The following OPCML variants were observed in gnomAD, a reference collection of about 807,000 sequenced individuals.
OPCML encodes the protein opioid binding protein/cell adhesion molecule like.
OPCML carries 13 observed loss-of-function variants against 37.8 expected under a neutral mutation model. The ratio of observed to expected loss-of-function variants is 0.34; its 90% CI spans 0.22 to 0.55. The LOEUF is 0.55. Among genes scored for constraint, OPCML ranks in the 20% least tolerant of loss-of-function variants. OPCML has a pLI of 0.91. For missense variants in OPCML, 341 were observed against 435.6 expected (o/e 0.78, Z 1.93); for synonymous variants, 176 against 168.8 (o/e 1.04, Z -0.33).
At chr11:132,515,737 C>G (rs988283925) in intron 4 of OPCML, among the ~76,000 whole-genome samples, 1 of 152,142 alleles carries the variant, frequency 6.6e-6, no homozygotes, top group Non-Finnish European at 1.5e-5. Flanking sequence ...TGATTACTAC[C>G]TTTAAACTGG....
chr11:132,664,474 C>T (rs1385338600), intron 2 of OPCML, among the ~76,000 whole-genome samples: 2 of 152,210 alleles, frequency 1.3e-5, no homozygotes, highest in East Asian at 3.9e-4. Context: ...TTATCATTTG[C>T]CTTTTTCATA....
chr11:132,718,022 GT>G (rs1234788637), intron 2 of OPCML, among the ~76,000 whole-genome samples: 1 of 152,274 alleles, frequency 6.6e-6, no homozygotes, highest in African/African-American at 2.4e-5. Flanking sequence ...CCACACCATC[GT>G]CAAGGTGCAG....
At chr11:133,133,716 T>C (rs1321254918) in intron 1 of OPCML, among the ~76,000 whole-genome samples, 1 of 152,278 alleles carries the variant, frequency 6.6e-6, no homozygotes, top group East Asian at 1.9e-4. Context: ...TCCCTGTGTC[T>C]CTTACACCAG....
At chr11:132,604,848 A>G (rs550855780) in intron 3 of OPCML, among the ~76,000 whole-genome samples, 1 of 152,200 alleles carries the variant, frequency 6.6e-6, no homozygotes, top group Non-Finnish European at 1.5e-5. Flanking sequence ...GGTATAGTGA[A>G]GCATTGATGG....
At chr11:132,767,951 G>T (rs911140301) in intron 2 of OPCML, among the ~76,000 whole-genome samples, 1 of 152,124 alleles carries the variant, frequency 6.6e-6, no homozygotes, top group Non-Finnish European at 1.5e-5. Flanking sequence ...CGACTTTAAA[G>T]AAATTCAAAG....
At chr11:132,866,554 G>A (rs1423262461) in intron 2 of OPCML, among the ~76,000 whole-genome samples, 2 of 152,156 alleles carry the variant, frequency 1.3e-5, no homozygotes, top group Non-Finnish European at 2.9e-5. Context: ...TAATCGACAA[G>A]GAACAATCGT....
At chr11:132,946,402 A>G (rs922448290) in intron 1 of OPCML, among the ~76,000 whole-genome samples, 1 of 152,216 alleles carries the variant, frequency 6.6e-6, no homozygotes, top group Non-Finnish European at 1.5e-5. Context: ...ATTGTTATCA[A>G]GTATTATGTA....
At chr11:132,704,265 C>T (rs574194947) in intron 2 of OPCML, among the ~76,000 whole-genome samples, 1 of 152,316 alleles carries the variant, frequency 6.6e-6, no homozygotes, top group Admixed American at 6.5e-5. Flanking sequence ...TTCTCTCTCT[C>T]ATATTTTTTC....
intron 2 of OPCML, among the ~76,000 whole-genome samples, chr11:132,761,129 A>C (rs1308508838): frequency 1.3e-5 from 2 of 149,756 alleles, no homozygotes; most frequent in Non-Finnish European, 3.0e-5. Flanking sequence ...ATTGGCCCCC[A>C]CTCTCTTCTG....
intron 2 of OPCML, among the ~76,000 whole-genome samples, chr11:132,895,928 T>G (rs1203445515): frequency 6.6e-6 from 1 of 152,044 alleles, no homozygotes; most frequent in African/African-American, 2.4e-5. Context: ...CTACTTCAGT[T>G]TTCTAATTTA....
At chr11:132,805,157 G>A (rs1053328849) in intron 2 of OPCML, among the ~76,000 whole-genome samples, 8 of 152,034 alleles carry the variant, frequency 5.3e-5, no homozygotes, top group African/African-American at 1.9e-4. Context: ...CTAACTGGAT[G>A]GACTCATTAG....
At chr11:133,408,893 A>G (rs888769818) in intron 1 of OPCML, among the ~76,000 whole-genome samples, 2 of 152,234 alleles carry the variant, frequency 1.3e-5, no homozygotes, top group Admixed American at 6.5e-5. Context: ...GGGATTAGAC[A>G]CTTTAGTTCA....
chr11:132,756,753 C>T (rs1387609776), intron 2 of OPCML, among the ~76,000 whole-genome samples: 1 of 152,098 alleles, frequency 6.6e-6, no homozygotes, highest in African/African-American at 2.4e-5. Flanking sequence ...TACTAAGAAC[C>T]AGAATCTGTT....
chr11:132,852,491 ACAGAAGTGC>A (rs1269520296), intron 2 of OPCML, among the ~76,000 whole-genome samples: 2 of 152,150 alleles, frequency 1.3e-5, no homozygotes, highest in East Asian at 3.9e-4. Context: ...AATATGAGTA[ACAGAAGTGC>A]CAAGGCAATA....
intron 2 of OPCML, among the ~76,000 whole-genome samples, chr11:132,922,453 C>T (rs1013507759): frequency 6.6e-6 from 1 of 152,100 alleles, no homozygotes; most frequent in Non-Finnish European, 1.5e-5. Flanking sequence ...GAGAAAGCCA[C>T]AGGAGCAAAA....
chr11:133,410,185 G>A (rs1238688108), intron 1 of OPCML, among the ~76,000 whole-genome samples: 1 of 152,160 alleles, frequency 6.6e-6, no homozygotes, highest in East Asian at 1.9e-4. Context: ...TACCCCACCA[G>A]CGCCCAGCAC....
chr11:133,403,684 A>T (rs1351776831), intron 1 of OPCML, among the ~76,000 whole-genome samples: 1 of 152,238 alleles, frequency 6.6e-6, no homozygotes, highest in Non-Finnish European at 1.5e-5. Flanking sequence ...CGTACCAATT[A>T]CATGTTATAT....
At chr11:133,280,830 C>T (rs1276287083) in intron 1 of OPCML, among the ~76,000 whole-genome samples, 5 of 152,138 alleles carry the variant, frequency 3.3e-5, no homozygotes, top group Non-Finnish European at 7.4e-5. Flanking sequence ...GTGAGGACTT[C>T]TTGTGGCTTG....
intron 2 of OPCML, among the ~76,000 whole-genome samples, chr11:132,853,415 G>C: frequency 6.6e-6 from 1 of 152,226 alleles, no homozygotes. Context: ...TTACAAAATT[G>C]AGCATGGTAA....
Sources: gnomAD v4.1 joint callset for allele counts (sites outside exome capture counted in the v4.1 genomes callset) on GRCh38, gnomAD v4.1.1 for gene constraint, MANE v1.5 for transcripts, NCBI Gene and HGNC (gene_info 2026-07-23, HGNC 2026-07-21) for gene names.